Variants in KCNN2 observed in about 807,000 individuals in gnomAD.
KCNN2 encodes small conductance calcium-activated potassium channel protein 2.
A neutral mutation model predicts 55.5 loss-of-function variants in KCNN2; 24 were observed. The observed-to-expected ratio is 0.43, with a 90% confidence interval of 0.31 to 0.61. KCNN2 has a LOEUF of 0.61. Among genes scored for constraint, KCNN2 ranks in the 20% least tolerant of loss-of-function variants. The probability of loss-of-function intolerance (pLI) is 0.08; values close to 1 mark genes in which losing one functional copy is unlikely to be tolerated. For missense variants in KCNN2, 754 were observed against 853.6 expected (o/e 0.88, Z 1.45); for synonymous variants, 431 against 336.1 (o/e 1.28, Z -3.09).
intron 2 of KCNN2, among the ~76,000 whole-genome samples, chr5:114,260,396 CT>C (rs1755078856): frequency 1.3e-5 from 2 of 152,174 alleles, no homozygotes; most frequent in Admixed American, 6.5e-5. Context: ...TTTCTTTTGT[CT>C]GGGATAGTTT....
chr5:114,482,886 G>C (rs1762287418), intron 5 of KCNN2, among the ~76,000 whole-genome samples: 1 of 152,092 alleles, frequency 6.6e-6, no homozygotes, highest in Non-Finnish European at 1.5e-5. Flanking sequence ...CTGGAGGAGG[G>C]GGTAGGGGGA....
At position 114,278,448 on chromosome 5, in the gene KCNN2, C is replaced by A. The variant is rs1755539243; in HGVS notation, c.-185+56883C>A. On this transcript the variant is annotated intron_variant, in intron 2 of 10. Transcript: ENST00000512097. ...CTGTCTTTTGTTCAGATATGCCCTG[C>A]CGCCAGAGGTTGAAAATAGAGAGGC... Among the ~76,000 whole-genome samples the A allele has an allele frequency of 2.0e-5, 3 of 152,238 alleles. No individual in the cohort carries two copies. The South Asian group carries it at 6.2e-4, about 31-fold the overall frequency.
chr5:114,295,482 T>C (rs953270835), intron 2 of KCNN2, among the ~76,000 whole-genome samples: 3 of 152,134 alleles, frequency 2.0e-5, no homozygotes, highest in African/African-American at 7.2e-5. Context: ...CAAAACTCCA[T>C]GGGCATGGGA....
chr5:114,386,065 C>T (rs1758273642), intron 2 of KCNN2, among the ~76,000 whole-genome samples: 1 of 151,384 alleles, frequency 6.6e-6, no homozygotes, highest in Non-Finnish European at 1.5e-5. Context: ...ACTTGTAGTC[C>T]CAGCTACTCG....
chr5:114,461,687 T>TTTTA (rs1356896158), intron 3 of KCNN2, among the ~76,000 whole-genome samples: 1 of 152,110 alleles, frequency 6.6e-6, no homozygotes, highest in African/African-American at 2.4e-5. Context: ...AATCTGCATT[T>TTTTA]TTTATTTTTG....
At chr5:114,168,491 T>C (rs1206615667) in intron 1 of KCNN2, among the ~76,000 whole-genome samples, 1 of 152,142 alleles carries the variant, frequency 6.6e-6, no homozygotes, top group South Asian at 2.1e-4. Flanking sequence ...CTAATATTCT[T>C]CATGAAGAAT....
chr5:114,236,225 C>A (rs1263597254), intron 2 of KCNN2, among the ~76,000 whole-genome samples: 1 of 152,102 alleles, frequency 6.6e-6, no homozygotes, highest in Non-Finnish European at 1.5e-5. Flanking sequence ...CAAAAGCTAC[C>A]AATGGTGGCA....
At chr5:114,272,353 C>CATAT (rs1561549011) in intron 2 of KCNN2, among the ~76,000 whole-genome samples, 1,423 of 46,756 alleles carry the variant, frequency 0.03, 223 homozygotes, top group African/African-American at 0.065. Flanking sequence ...TATGTATGTA[C>CATAT]ATACCATATA....
chr5:114,362,848 C>T lies in KCNN2; in HGVS notation c.709C>T (p.His237Tyr). ...CTTGAGCGCGTCCCGCCGGAACCTG[C>T]ACGAGATGGACTCAGAGGCGCAGCC... is the stretch of plus-strand genomic sequence containing the variant. The part of the protein sequence containing the change: ...SNLSASRRNL[H>Y]EMDSEAQPLQ... Residue 237 changes from histidine (H) to tyrosine (Y), a missense_variant, in exon 1 of 8, where the codon CAC (histidine) becomes TAC (tyrosine). This residue lies in a region of KCNN2 where 381 missense variants were observed against 259.1 expected (regional missense o/e 1.47). Coordinates refer to ENST00000673685, the MANE Select transcript of KCNN2 (RefSeq NM_021614.4). The T allele has an allele frequency of 1.2e-6, 2 of 1,600,008 alleles. No individual in the cohort carries two copies. Among genetic ancestry groups the T allele is most frequent in the Middle Eastern group, 1.7e-4 (1 of 6,058 alleles).
chr5:114,321,254 C>CT (rs1157965941), intron 2 of KCNN2, among the ~76,000 whole-genome samples: 1 of 152,116 alleles, frequency 6.6e-6, no homozygotes, highest in Non-Finnish European at 1.5e-5. Context: ...TTGTTCTACT[C>CT]AATTTTTCAC....
At chr5:114,468,919 C>CA (rs1447815765) in intron 4 of KCNN2, among the ~76,000 whole-genome samples, 1 of 151,970 alleles carries the variant, frequency 6.6e-6, no homozygotes, top group African/African-American at 2.4e-5. Context: ...TGATTTAGGG[C>CA]AAAAATGTGT....
At position 114,490,702 on chromosome 5, in the gene KCNN2, A is replaced by C. The variant is rs1405707997; in HGVS notation, c.2019-2701A>C. ...CAAAATGAAAATAGAGCTCGGAAGT[A>C]AGTTGTGTGAGCCGCTCCTTTCAAC... On this transcript the variant is annotated intron_variant, in intron 6 of 7. Coordinates refer to ENST00000673685, the MANE Select transcript of KCNN2 (RefSeq NM_021614.4). 1.5e-5 allele frequency: 6 copies of C among 397,982 alleles called. No homozygotes were observed. The Admixed American group carries it at 2.6e-4, about 18-fold the overall frequency. The allele number at this position is 397,982 out of a possible 1,614,324, so 24.7% of individuals were successfully genotyped here. A position where few individuals can be genotyped will look rare whatever the true frequency, so the allele number is the denominator to read the frequency against.
At chr5:114,234,690 G>T (rs575596941) in intron 2 of KCNN2, among the ~76,000 whole-genome samples, 2 of 152,170 alleles carry the variant, frequency 1.3e-5, no homozygotes, top group African/African-American at 4.8e-5. Context: ...GTGGAGAGTG[G>T]AGAAGAGGGG....
At chr5:114,287,751 TAAA>T (rs1008411646) in intron 2 of KCNN2, among the ~76,000 whole-genome samples, 1 of 126,740 alleles carries the variant, frequency 7.9e-6, no homozygotes, top group African/African-American at 2.9e-5. Flanking sequence ...TCTCAGAACT[TAAA>T]TAAAAAAAAA....
At chr5:114,072,850 G>A (rs1049892489) in intron 1 of KCNN2, among the ~76,000 whole-genome samples, 1 of 152,092 alleles carries the variant, frequency 6.6e-6, no homozygotes, top group Non-Finnish European at 1.5e-5. Context: ...ATTAACAAGT[G>A]AATATTTTAA....
At chr5:114,297,647 C>T (rs1196051833) in intron 2 of KCNN2, among the ~76,000 whole-genome samples, 2 of 152,034 alleles carry the variant, frequency 1.3e-5, no homozygotes, top group Non-Finnish European at 2.9e-5. Flanking sequence ...AAAAATCCTT[C>T]TTTGCAAATA....
intron 2 of KCNN2, among the ~76,000 whole-genome samples, chr5:114,389,851 T>A (rs978201024): frequency 5.3e-5 from 8 of 152,148 alleles, no homozygotes; most frequent in African/African-American, 1.9e-4. Flanking sequence ...TAATGTAAAT[T>A]AGTGGGTAAG....
chr5:114,355,346 T>C (rs1757277966), intron 2 of KCNN2, among the ~76,000 whole-genome samples: 1 of 152,168 alleles, frequency 6.6e-6, no homozygotes, highest in Admixed American at 6.5e-5. Context: ...GCCCTAACAC[T>C]GTATGGAAGA....
chr5:114,083,175 T>C (rs971744690), intron 1 of KCNN2, among the ~76,000 whole-genome samples: 2 of 152,086 alleles, frequency 1.3e-5, no homozygotes, highest in African/African-American at 2.4e-5. Flanking sequence ...AATATCTTCC[T>C]TTTTGTTCTT....
Sources: allele counts gnomAD v4.1 joint callset (sites outside exome capture counted in the v4.1 genomes callset), GRCh38; gene constraint gnomAD v4.1.1; regional missense constraint gnomAD v4.1.1; transcripts MANE v1.5; gene names NCBI Gene and HGNC (gene_info 2026-07-23, HGNC 2026-07-21).